UNC79: variants seen among roughly 807,000 people sequenced by gnomAD.
UNC79 encodes protein unc-79 homolog.
Under a neutral mutation model 283.1 loss-of-function variants are expected in UNC79, and 37 were observed. That is an observed-to-expected ratio of 0.13 (90% CI 0.10 to 0.17). The LOEUF (loss-of-function observed/expected upper bound fraction) is 0.17, where lower values mean the gene tolerates loss of function less well. Among genes scored for constraint, UNC79 ranks in the 10% least tolerant of loss-of-function variants. The probability of loss-of-function intolerance (pLI) is 1.00; values close to 1 mark genes in which losing one functional copy is unlikely to be tolerated. For synonymous variants in UNC79, 1,107 were observed against 1,200.2 expected, an observed-to-expected ratio of 0.92 and a Z score of 1.61; for missense variants, 2,272 against 3,211.1, an observed-to-expected ratio of 0.71 and a Z score of 7.07.
At chr14:93,417,592 T>C (rs898637760) in intron 1 of UNC79, among the ~76,000 whole-genome samples, 27 of 152,252 alleles carry the variant, frequency 1.8e-4, no homozygotes, top group Non-Finnish European at 3.4e-4. Flanking sequence ...GGGGAAGTTC[T>C]CCTGGATAAT....
intron 1 of UNC79, among the ~76,000 whole-genome samples, chr14:93,338,061 G>A (rs113575654): frequency 0.054 from 8,211 of 152,136 alleles, 768 homozygotes; most frequent in African/African-American, 0.19. Flanking sequence ...CGCCTGGCTC[G>A]CCCTTGGCAA....
intron 23 of UNC79, among the ~76,000 whole-genome samples, chr14:93,595,494 C>T (rs546210545): frequency 1.3e-5 from 2 of 152,290 alleles, no homozygotes; most frequent in East Asian, 3.9e-4. Flanking sequence ...GGTCTGACTG[C>T]AACTGCAGGC....
At chr14:93,540,598 G>T in intron 12 of UNC79, 62 bp from the exon 13 acceptor site, 2 of 1,561,486 alleles carry the variant, frequency 1.3e-6, no homozygotes, top group African/African-American at 1.4e-5. Flanking sequence ...TCCTCTGAAT[G>T]GGTCATGATC....
intron 45 of UNC79, 177 bp from the exon 49 acceptor site, chr14:93,691,572 G>T: frequency 1.5e-6 from 1 of 656,156 alleles, no homozygotes; most frequent in Admixed American, 2.6e-5. Context: ...TGGTGGAGAA[G>T]AGAGCACAGC....
chr14:93,361,415 G>T (rs998098690), intron 1 of UNC79, among the ~76,000 whole-genome samples: 1 of 151,244 alleles, frequency 6.6e-6, no homozygotes, highest in East Asian at 1.9e-4. Context: ...GGAGGCTGAG[G>T]TGGGAGGATT....
chr14:93,345,539 A>T (rs1022814293), intron 1 of UNC79, among the ~76,000 whole-genome samples: 1 of 152,248 alleles, frequency 6.6e-6, no homozygotes, highest in East Asian at 1.9e-4. Context: ...AGGTGACTGT[A>T]AAAGCAAAAA....
chr14:93,430,801 T>G lies in UNC79; in HGVS notation c.-229T>G. On this transcript the variant is annotated 5_prime_UTR_variant, in exon 1 of 49. Transcript: ENST00000555664. This position sits in a 1 kb window ranked among gnomAD's most constrained non-coding sequence, Gnocchi z 4.6. ...CGGACAGGAAGCCTTTGGCCGCCTATTAAATCCCACCCATTTCTCCGGGGG... is the reference window on the plus strand; with the variant it reads ...CGGACAGGAAGCCTTTGGCCGCCTAGTAAATCCCACCCATTTCTCCGGGGG... 5 of 452,250 alleles carry G rather than the reference T, an allele frequency of 1.1e-5. No individual in the cohort carries two copies. The highest frequency in any genetic ancestry group is 4.2e-5 in the East Asian group (1 of 23,682). The allele number at this position is 452,250 out of a possible 1,614,324, so 28.0% of individuals were successfully genotyped here.
At chr14:93,668,840 T>C (rs765112477) in intron 40 of UNC79, among the ~76,000 whole-genome samples, 86 of 145,346 alleles carry the variant, frequency 5.9e-4, no homozygotes, top group Non-Finnish European at 4.4e-4. Context: ...TGAGACTCTG[T>C]GTCCTTCACA....
At chr14:93,452,611 C>A (rs2056679596) in intron 1 of UNC79, among the ~76,000 whole-genome samples, 1 of 151,960 alleles carries the variant, frequency 6.6e-6, no homozygotes. Flanking sequence ...CTGGTCTCGA[C>A]CCCTGACCTC....
rs373709087 is a variant in UNC79, at chr14:93,508,831, A to C, written c.898+11545A>C. Among the ~76,000 whole-genome samples the C allele has an allele frequency of 7.9e-5, 12 of 152,276 alleles. No homozygotes were observed. The East Asian group carries it at 1.5e-3, about 20-fold the overall frequency. ...GGTGTCATCTGTGCTACTTCCTTTC[A>C]AATCTTTATATCACTTATTGCTGTT... On this transcript the variant is annotated intron_variant, in intron 7 of 48. Transcript: ENST00000555664.
chr14:93,630,990 C>A (rs2067986887), intron 31 of UNC79, 82 bp downstream of exon 33: 2 of 1,262,234 alleles, frequency 1.6e-6, no homozygotes, highest in South Asian at 1.2e-5. Flanking sequence ...TTTTCCCAAT[C>A]TTGGTATTGT....
At chr14:93,476,019 G>A (rs781380358) in intron 3 of UNC79, among the ~76,000 whole-genome samples, 1 of 152,158 alleles carries the variant, frequency 6.6e-6, no homozygotes, top group Admixed American at 6.5e-5. Context: ...GTTTCTTGAA[G>A]CATGGTCTGA....
At chr14:93,630,728 A>G in intron 30 of UNC79, 73 bp from the exon 33 acceptor site, 1 of 1,190,842 alleles carries the variant, frequency 8.4e-7, no homozygotes, top group Non-Finnish European at 1.2e-6. Flanking sequence ...ACAAGAGGTA[A>G]AAGATATAGA....
intron 17 of UNC79, among the ~76,000 whole-genome samples, chr14:93,576,653 C>T (rs1566687049): frequency 6.6e-6 from 1 of 152,156 alleles, no homozygotes; most frequent in Non-Finnish European, 1.5e-5. Flanking sequence ...AGTCCTTACA[C>T]TCCCAGGGCT....
At position 93,407,225 on chromosome 14, in the gene UNC79, T is replaced by A. The variant is rs568475696; in HGVS notation, c.-350-60446T>A. On this transcript the variant is annotated intron_variant, in intron 1 of 49. Coordinates refer to the UNC79 transcript ENST00000256339. Reference sequence around the variant, plus strand: ...AAATAAGGTCACCTTCTGAGGTTCTTGGTAGACATACATTTTGGGGGGATA... The same window carrying A: ...AAATAAGGTCACCTTCTGAGGTTCTAGGTAGACATACATTTTGGGGGGATA... Among the ~76,000 whole-genome samples, 84 of 152,288 alleles carry A rather than the reference T, an allele frequency of 5.5e-4. 3 individuals are homozygous for A. In the South Asian group the frequency reaches 0.017, roughly 31 times the overall value.
At chr14:93,449,047 C>G (rs1420246638) in intron 1 of UNC79, among the ~76,000 whole-genome samples, 1 of 152,336 alleles carries the variant, frequency 6.6e-6, no homozygotes, top group East Asian at 1.9e-4. Context: ...TTCGTGTCTT[C>G]CTGCATGGAT....
Position 93,424,004 on chromosome 14 carries a change from A to G in UNC79, c.-350-43667A>G, listed in dbSNP as rs192518248. Among the ~76,000 whole-genome samples the G allele has an allele frequency of 2.9e-3, 446 of 152,322 alleles. 2 individuals carry two copies. The highest frequency in any genetic ancestry group is 0.01 in the African/African-American group (428 of 41,572). On this transcript the variant is annotated intron_variant, in intron 1 of 49. Coordinates refer to the UNC79 transcript ENST00000256339. ...TAACGAGAATATATAAGGAGTTCAA[A>G]CAACTCTGTAGGAAAAAAATCTAAT...
At chr14:93,371,487 GA>G (rs1241340017) in intron 1 of UNC79, among the ~76,000 whole-genome samples, 2 of 152,040 alleles carry the variant, frequency 1.3e-5, no homozygotes, top group Non-Finnish European at 2.9e-5. Flanking sequence ...TGAAAACGCA[GA>G]AAAAAATTCC....
At chr14:93,660,565 G>GTA (rs1300555409) in intron 39 of UNC79, among the ~76,000 whole-genome samples, 2 of 84,758 alleles carry the variant, frequency 2.4e-5, no homozygotes, top group Non-Finnish European at 4.5e-5. Context: ...ATATATATAT[G>GTA]TGTGTGTGTG....
Sources: gnomAD v4.1 joint callset for allele counts (sites outside exome capture counted in the v4.1 genomes callset) on GRCh38, gnomAD v4.1.1 for gene constraint, Gnocchi (gnomAD v3.1) non-coding constraint, MANE v1.5 for transcripts, NCBI Gene and HGNC (gene_info 2026-07-23, HGNC 2026-07-21) for gene names.